PRELID2: variants seen among roughly 807,000 people sequenced by gnomAD.
PRELID2 encodes the protein PRELI domain-containing protein 2.
In PRELID2, 25 loss-of-function variants were observed where a neutral mutation model predicts 28.4. The ratio of observed to expected loss-of-function variants is 0.88; its 90% CI spans 0.64 to 1.23. The LOEUF (loss-of-function observed/expected upper bound fraction) is 1.23. Ranked by LOEUF, PRELID2 falls within the 50% of genes most tolerant of loss-of-function variation. The probability of loss-of-function intolerance (pLI) is 0.00; values close to 1 mark genes in which losing one functional copy is unlikely to be tolerated. For missense variants in PRELID2, 201 were observed against 214.4 expected (o/e 0.94, Z 0.39); for synonymous variants, 76 against 71.6 (o/e 1.06, Z -0.31).
intron 1 of PRELID2, among the ~76,000 whole-genome samples, chr5:145,553,193 CAA>C (rs57790960): frequency 7.3e-4 from 98 of 134,922 alleles, no homozygotes; most frequent in African/African-American, 2.1e-3. Context: ...CCCCCCCCCC[CAA>C]AAAAAAAGGG....
intron 1 of PRELID2, among the ~76,000 whole-genome samples, chr5:145,513,269 A>G (rs1457433999): frequency 6.6e-6 from 1 of 152,008 alleles, no homozygotes; most frequent in African/African-American, 2.4e-5. Flanking sequence ...GCTACCTAGA[A>G]TAACCAGTTT....
At chr5:145,651,079 G>A (rs1425374031) in intron 1 of PRELID2, among the ~76,000 whole-genome samples, 1 of 152,172 alleles carries the variant, frequency 6.6e-6, no homozygotes, top group Admixed American at 6.5e-5. Context: ...CTTTTCCAAT[G>A]GTATTAGCAA....
At chr5:145,314,233 C>G in the PRELID2 span, among the ~76,000 whole-genome samples, 1 of 152,150 alleles carries the variant, frequency 6.6e-6, no homozygotes, top group Non-Finnish European at 1.5e-5. Context: ...ATTCCTAATC[C>G]CAGCATTTTT....
intron 1 of PRELID2, among the ~76,000 whole-genome samples, chr5:145,474,507 A>G (rs1752082135): frequency 6.6e-6 from 1 of 152,160 alleles, no homozygotes; most frequent in South Asian, 2.1e-4. Flanking sequence ...ATCATTGAAG[A>G]GTTCTGTGTT....
chr5:145,586,621 T>A (rs1182077957), intron 1 of PRELID2, among the ~76,000 whole-genome samples: 3 of 152,130 alleles, frequency 2.0e-5, no homozygotes, highest in Non-Finnish European at 2.9e-5. Context: ...ATTCCCTCAA[T>A]AAGAACATAA....
chr5:145,401,547 C>A, the PRELID2 span, among the ~76,000 whole-genome samples: 1 of 152,056 alleles, frequency 6.6e-6, no homozygotes, highest in African/African-American at 2.4e-5. Context: ...GTGTAACAAG[C>A]TCACCTCTTT....
At chr5:145,814,054 C>CT (rs1049544095) in intron 4 of PRELID2, among the ~76,000 whole-genome samples, 6 of 152,086 alleles carry the variant, frequency 3.9e-5, no homozygotes, top group East Asian at 1.9e-4. Flanking sequence ...ATTAATTTTC[C>CT]TTTTTTTCTC....
chr5:145,281,455 A>G, the PRELID2 span, among the ~76,000 whole-genome samples: 1 of 152,182 alleles, frequency 6.6e-6, no homozygotes, highest in African/African-American at 2.4e-5. Flanking sequence ...AACCAATTTA[A>G]GCAGTGCATG....
chr5:145,298,353 AAAAC>A, the PRELID2 span, among the ~76,000 whole-genome samples: 1 of 152,302 alleles, frequency 6.6e-6, no homozygotes, highest in Admixed American at 6.5e-5. Flanking sequence ...AAACCTGAGA[AAAAC>A]AAACAATGGG....
chr5:145,647,415 T>G (rs1051598054), intron 1 of PRELID2, among the ~76,000 whole-genome samples: 7 of 152,162 alleles, frequency 4.6e-5, no homozygotes, highest in Admixed American at 6.5e-5. Flanking sequence ...GCTGCTGTGC[T>G]GGTAGTGAGA....
At chr5:145,533,087 C>A (rs1305485683) in intron 1 of PRELID2, among the ~76,000 whole-genome samples, 6 of 152,040 alleles carry the variant, frequency 3.9e-5, no homozygotes, top group Admixed American at 2.0e-4. Flanking sequence ...TAGAATGGGT[C>A]TTGACCACAT....
At chr5:145,691,754 G>A (rs987689864) in intron 1 of PRELID2, among the ~76,000 whole-genome samples, 6 of 151,996 alleles carry the variant, frequency 3.9e-5, no homozygotes, top group African/African-American at 1.2e-4. Context: ...GGTTTTCACA[G>A]AGTCCAAAAA....
chr5:145,488,565 C>T (rs1028698726), intron 1 of PRELID2, among the ~76,000 whole-genome samples: 6 of 152,068 alleles, frequency 3.9e-5, no homozygotes, highest in Admixed American at 3.9e-4. Flanking sequence ...AAAAAAGAAG[C>T]CACAATTATT....
At chr5:145,271,493 G>C in the PRELID2 span, among the ~76,000 whole-genome samples, 12 of 152,188 alleles carry the variant, frequency 7.9e-5, no homozygotes, top group African/African-American at 2.9e-4. Flanking sequence ...TGGGATTATA[G>C]GTGAGCCCCC....
At chr5:145,408,730 T>A in the PRELID2 span, among the ~76,000 whole-genome samples, 4 of 151,860 alleles carry the variant, frequency 2.6e-5, no homozygotes, top group Admixed American at 1.3e-4. Flanking sequence ...TGTTTAACGA[T>A]CAGATGTAAG....
At chr5:145,664,305 G>A (rs1282331423) in intron 1 of PRELID2, among the ~76,000 whole-genome samples, 1 of 151,918 alleles carries the variant, frequency 6.6e-6, no homozygotes, top group Admixed American at 6.6e-5. Flanking sequence ...GTAAAACCTT[G>A]GATTCTAAAA....
chr5:145,664,898 G>T (rs1338969233), intron 1 of PRELID2, among the ~76,000 whole-genome samples: 1 of 152,074 alleles, frequency 6.6e-6, no homozygotes, highest in Non-Finnish European at 1.5e-5. Flanking sequence ...TCAGAAACTG[G>T]TTCTTATGGC....
At chr5:145,604,964 A>G (rs1279362766) in intron 1 of PRELID2, among the ~76,000 whole-genome samples, 1 of 146,440 alleles carries the variant, frequency 6.8e-6, no homozygotes, top group Non-Finnish European at 1.5e-5. Flanking sequence ...GAATATATAT[A>G]TATTCTTTTG....
At chr5:145,565,590 C>T (rs1271873548) in intron 1 of PRELID2, among the ~76,000 whole-genome samples, 1 of 152,256 alleles carries the variant, frequency 6.6e-6, no homozygotes, top group Non-Finnish European at 1.5e-5. Context: ...GTCAACTCTA[C>T]AGCTCATGCT....
Sources: gnomAD v4.1 joint callset for allele counts (sites outside exome capture counted in the v4.1 genomes callset) on GRCh38, gnomAD v4.1.1 for gene constraint, MANE v1.5 for transcripts, NCBI Gene and HGNC (gene_info 2026-07-23, HGNC 2026-07-21) for gene names.